LDLRAD3: variants seen among roughly 807,000 people sequenced by gnomAD.
LDLRAD3 encodes low density lipoprotein receptor class A domain containing 3, also known as low-density lipoprotein receptor class A domain-containing protein 3.
LDLRAD3 carries 20 observed loss-of-function variants against 29.4 expected under a neutral mutation model. That is an observed-to-expected ratio of 0.68 (90% confidence interval 0.48 to 0.99). The LOEUF (loss-of-function observed/expected upper bound fraction) is 0.99, where lower values mean the gene tolerates loss of function less well. Among genes scored for constraint, LDLRAD3 ranks in the 50% least tolerant of loss-of-function variants. The probability of loss-of-function intolerance (pLI) is 0.00; values close to 1 mark genes in which losing one functional copy is unlikely to be tolerated. For missense variants in LDLRAD3, 420 were observed against 454.3 expected, an observed-to-expected ratio of 0.92 and a Z score of 0.69; for synonymous variants, 157 against 192.7, an observed-to-expected ratio of 0.81 and a Z score of 1.53.
intron 1 of LDLRAD3, among the ~76,000 whole-genome samples, chr11:36,028,147 A>G (rs1437277921): frequency 6.6e-6 from 1 of 152,204 alleles, no homozygotes; most frequent in Non-Finnish European, 1.5e-5. Flanking sequence ...TCCATTGCAT[A>G]TTGCGTGGCA....
chr11:36,014,592 G>A (rs549653842), intron 1 of LDLRAD3, among the ~76,000 whole-genome samples: 1 of 152,278 alleles, frequency 6.6e-6, no homozygotes, highest in African/African-American at 2.4e-5. Context: ...AAACTTTGCT[G>A]GCGAGGTGAA....
chr11:35,951,835 C>T (rs1208479573), intron 1 of LDLRAD3, among the ~76,000 whole-genome samples: 1 of 152,224 alleles, frequency 6.6e-6, no homozygotes, highest in Non-Finnish European at 1.5e-5. Context: ...ATAGGAACAG[C>T]TGTGACCAAG....
chr11:36,065,167 A>T (rs1852771652), intron 2 of LDLRAD3, among the ~76,000 whole-genome samples: 2 of 152,234 alleles, frequency 1.3e-5, no homozygotes, highest in East Asian at 1.9e-4. Flanking sequence ...TAATTCTGTC[A>T]GTTTTTGCTT....
At chr11:36,144,146 G>C (rs1255581830) in intron 4 of LDLRAD3, among the ~76,000 whole-genome samples, 15 of 152,104 alleles carry the variant, frequency 9.9e-5, no homozygotes, top group Middle Eastern at 3.4e-3. Context: ...GGCTGGGCTG[G>C]TCTCCAGCTC....
At position 36,183,172 on chromosome 11, in the gene LDLRAD3, C is replaced by T. The variant is rs564420675; in HGVS notation, c.455-43913C>T. ...GGAGACCCAGAGAGCTTAAGTGATC[C>T]AGCCCTAGACACACGGTGTTAGTTA... On this transcript the variant is annotated intron_variant, in intron 4 of 5. Coordinates refer to ENST00000315571, the MANE Select transcript of LDLRAD3 (RefSeq NM_174902.4). Among the ~76,000 whole-genome samples the T allele has an allele frequency of 5.3e-5, 8 of 152,252 alleles. No individual in the cohort carries two copies. The South Asian group carries it at 1.2e-3, about 24-fold the overall frequency.
intron 1 of LDLRAD3, among the ~76,000 whole-genome samples, chr11:35,962,355 G>C (rs904166172): frequency 1.3e-5 from 2 of 152,054 alleles, no homozygotes; most frequent in African/African-American, 4.8e-5. Context: ...TTTTAGTTTT[G>C]CTGCTGGTTC....
chr11:36,098,933 C>G (rs2133274584), intron 4 of LDLRAD3, among the ~76,000 whole-genome samples: 1 of 152,070 alleles, frequency 6.6e-6, no homozygotes, highest in African/African-American at 2.4e-5. Context: ...ATTGTCTGTG[C>G]CTGTCAGTTT....
intron 3 of LDLRAD3, among the ~76,000 whole-genome samples, chr11:36,097,459 C>T (rs1298889263): frequency 6.6e-6 from 1 of 152,174 alleles, no homozygotes; most frequent in Admixed American, 6.5e-5. Flanking sequence ...ACTCTTGCCT[C>T]CTCCAGGATA....
chr11:36,044,568 A>G (rs1240857573), intron 2 of LDLRAD3, among the ~76,000 whole-genome samples: 2 of 152,132 alleles, frequency 1.3e-5, no homozygotes, highest in African/African-American at 4.8e-5. Flanking sequence ...TTAGTTTGAG[A>G]GCCTGTGCCA....
chr11:36,060,285 CGGAGCTTGCA>C (rs1852678733), intron 2 of LDLRAD3, among the ~76,000 whole-genome samples: 1 of 144,880 alleles, frequency 6.9e-6, no homozygotes, highest in African/African-American at 2.6e-5. Flanking sequence ...ACCCGGGAGG[CGGAGCTTGCA>C]GTGAGCTGAG....
chr11:36,179,057 T>A lies in LDLRAD3; in HGVS notation c.455-48028T>A, dbSNP rs1417665285. Among the ~76,000 whole-genome samples, 4 of 152,332 alleles carry A rather than the reference T, an allele frequency of 2.6e-5. No homozygotes were observed. The East Asian group carries it at 5.8e-4, about 22-fold the overall frequency. On this transcript the variant is annotated intron_variant, in intron 4 of 5. Coordinates refer to ENST00000315571, the MANE Select transcript of LDLRAD3 (RefSeq NM_174902.4). ...AGGACCTGTCTCTGTAATTTAATCT[T>A]TTCCCTGACTTGAACAACAATGAAG...
chr11:36,168,733 G>C (rs941403796), intron 4 of LDLRAD3, among the ~76,000 whole-genome samples: 5 of 152,084 alleles, frequency 3.3e-5, no homozygotes, highest in African/African-American at 1.2e-4. Flanking sequence ...ACATTAGCCA[G>C]GGAGTATCGA....
chr11:36,030,575 C>T (rs1056806023), intron 1 of LDLRAD3, among the ~76,000 whole-genome samples: 1 of 152,140 alleles, frequency 6.6e-6, no homozygotes, highest in Non-Finnish European at 1.5e-5. Flanking sequence ...GTGGTTAATT[C>T]TCTGGGGAGG....
At chr11:36,186,442 A>G (rs1854850364) in intron 4 of LDLRAD3, among the ~76,000 whole-genome samples, 1 of 152,184 alleles carries the variant, frequency 6.6e-6, no homozygotes, top group African/African-American at 2.4e-5. Flanking sequence ...GGGGAAATTG[A>G]CAATGGTAGC....
chr11:36,097,342 G>A (rs768019423), intron 3 of LDLRAD3, among the ~76,000 whole-genome samples: 3 of 152,244 alleles, frequency 2.0e-5, no homozygotes, highest in Non-Finnish European at 2.9e-5. Flanking sequence ...TGTGGGATCA[G>A]ATCATGTCAT....
At chr11:36,026,823 G>A (rs1281279267) in intron 1 of LDLRAD3, among the ~76,000 whole-genome samples, 16 of 152,258 alleles carry the variant, frequency 1.1e-4, no homozygotes, top group African/African-American at 4.8e-5. Context: ...TCACTTCCAG[G>A]AATTGCCCAC....
intron 4 of LDLRAD3, among the ~76,000 whole-genome samples, chr11:36,157,746 C>T (rs1196507926): frequency 2.6e-5 from 4 of 152,138 alleles, no homozygotes; most frequent in East Asian, 1.9e-4. Flanking sequence ...TTGGAGGGAG[C>T]GGAGTGTCTC....
intron 2 of LDLRAD3, among the ~76,000 whole-genome samples, chr11:36,067,177 G>C (rs1315414767): frequency 6.6e-6 from 1 of 152,094 alleles, no homozygotes; most frequent in Non-Finnish European, 1.5e-5. Flanking sequence ...CCCAGGCTGA[G>C]TGGGTCCCAC....
In LDLRAD3 at chr11:35,973,837, C is replaced by T. The variant is rs568656377; in HGVS notation, c.46+29693C>T. Among the ~76,000 whole-genome samples the T allele has an allele frequency of 5.3e-5, 8 of 152,290 alleles. No individual in the cohort carries two copies. In the East Asian group the frequency reaches 1.5e-3, roughly 29 times the overall value. On this transcript the variant is annotated intron_variant, in intron 1 of 5. Transcript: ENST00000315571. Reference sequence around the variant, plus strand: ...AGAGGCTGCACCAGTATACTCCCCACCAGCACTAAATGAGGGTGCCATTTT... The same window carrying T: ...AGAGGCTGCACCAGTATACTCCCCATCAGCACTAAATGAGGGTGCCATTTT...
Sources: gnomAD v4.1 joint callset for allele counts (sites outside exome capture counted in the v4.1 genomes callset) on GRCh38, gnomAD v4.1.1 for gene constraint, MANE v1.5 for transcripts, NCBI Gene and HGNC (gene_info 2026-07-23, HGNC 2026-07-21) for gene names.